The following PARD3B variants were observed in gnomAD, a reference collection of about 807,000 sequenced individuals.
PARD3B encodes the protein partitioning defective 3 homolog B.
Under a neutral mutation model 130.2 loss-of-function variants are expected in PARD3B, and 103 were observed. The ratio of observed to expected loss-of-function variants is 0.79; its 90% CI spans 0.67 to 0.93. PARD3B has a LOEUF of 0.93. PARD3B is among the 40% of genes least tolerant of loss of function. The probability of loss-of-function intolerance (pLI) is 0.00; values close to 1 mark genes in which losing one functional copy is unlikely to be tolerated. For missense variants in PARD3B, 1,609 were observed against 1,499.2 expected (o/e 1.07, Z -1.21); for synonymous variants, 583 against 553.2 (o/e 1.05, Z -0.76).
chr2:204,833,734 G>A (rs763177565), intron 2 of PARD3B, among the ~76,000 whole-genome samples: 1 of 152,154 alleles, frequency 6.6e-6, no homozygotes, highest in Non-Finnish European at 1.5e-5. Context: ...CCCCAGCCAC[G>A]TGGAACTGTG....
At position 205,522,775 on chromosome 2, in the gene PARD3B, CA is replaced by C. The variant is rs369925259; in HGVS notation, c.3180+22750del. ...TACTAACAGCTTTTCAAGAGGAGAA[CA>C]AAAAAGAGGAAACCATCATATTAAA... On this transcript the variant is annotated intron_variant, in intron 21 of 22. Coordinates refer to ENST00000406610, the MANE Select transcript of PARD3B (RefSeq NM_001302769.2). Among the ~76,000 whole-genome samples, 142 of 151,724 alleles carry C rather than the reference CA, an allele frequency of 9.4e-4. 1 individual carries two copies. The highest frequency in any genetic ancestry group is 3.4e-3 in the Middle Eastern group (1 of 292).
At chr2:204,602,924 A>G (rs1000948071) in intron 1 of PARD3B, among the ~76,000 whole-genome samples, 2 of 152,146 alleles carry the variant, frequency 1.3e-5, no homozygotes, top group Non-Finnish European at 2.9e-5. Context: ...GACCAACACA[A>G]TTGTTTCCTT....
intron 20 of PARD3B, among the ~76,000 whole-genome samples, chr2:205,456,964 ATATT>A (rs2048298763): frequency 6.6e-6 from 1 of 151,168 alleles, no homozygotes; most frequent in South Asian, 2.1e-4. Flanking sequence ...ATAATTATAT[ATATT>A]TAATTCATTT....
chr2:205,215,215 A>G (rs762733137), intron 15 of PARD3B, among the ~76,000 whole-genome samples: 1 of 152,050 alleles, frequency 6.6e-6, no homozygotes, highest in Non-Finnish European at 1.5e-5. Context: ...GAAGATATTT[A>G]CTATGGATAA....
intron 2 of PARD3B, among the ~76,000 whole-genome samples, chr2:204,797,324 G>A (rs1009857328): frequency 1.1e-4 from 17 of 151,998 alleles, no homozygotes; most frequent in African/African-American, 3.9e-4. Flanking sequence ...GGGACTCGAG[G>A]TATAACATTT....
At chr2:204,734,147 C>T (rs1269053313) in intron 2 of PARD3B, among the ~76,000 whole-genome samples, 1 of 152,016 alleles carries the variant, frequency 6.6e-6, no homozygotes, top group African/African-American at 2.4e-5. Context: ...AAGATAGACA[C>T]ATAAATATAT....
chr2:204,971,504 C>G (rs1157974152), intron 3 of PARD3B, among the ~76,000 whole-genome samples: 3 of 152,198 alleles, frequency 2.0e-5, no homozygotes, highest in Non-Finnish European at 4.4e-5. Context: ...TCATAAGTTA[C>G]AATTTGGTCA....
chr2:205,262,094 A>C (rs2040336675), intron 16 of PARD3B, among the ~76,000 whole-genome samples: 1 of 152,094 alleles, frequency 6.6e-6, no homozygotes, highest in Non-Finnish European at 1.5e-5. Flanking sequence ...TGATACTTTC[A>C]TGGAATTTTT....
In PARD3B at chr2:205,301,873, G is replaced by A. The variant is rs751097461; in HGVS notation, c.2630+172G>A. The stretch of plus-strand genomic sequence containing the variant: ...TCTGCAGAGGCAGAGGAGCTTTTTG[G>A]GGAAAGTTACAGTGATGACAGGACA... On this transcript the variant is annotated intron_variant, in intron 18 of 22. Coordinates refer to ENST00000406610, the MANE Select transcript of PARD3B (RefSeq NM_001302769.2). This position sits in a 1 kb window ranked among gnomAD's most constrained non-coding sequence, Gnocchi z 5.2. 97 of 1,066,696 alleles carry A rather than the reference G, an allele frequency of 9.1e-5. No individual in the cohort carries two copies. The highest frequency in any genetic ancestry group is 1.4e-4 in the Admixed American group (8 of 55,882). 66.1% of individuals were successfully genotyped at this position (1,066,696 alleles called of 1,614,324 possible). A position where few individuals can be genotyped will look rare whatever the true frequency, so the allele number is the denominator to read the frequency against.
intron 2 of PARD3B, among the ~76,000 whole-genome samples, chr2:204,731,921 C>T (rs1461678497): frequency 2.6e-5 from 4 of 151,938 alleles, no homozygotes; most frequent in African/African-American, 9.7e-5. Context: ...CTCTAACACC[C>T]GTTTTAGCTC....
intron 18 of PARD3B, among the ~76,000 whole-genome samples, chr2:205,345,509 G>T (rs1292820785): frequency 6.6e-6 from 1 of 152,012 alleles, no homozygotes; most frequent in African/African-American, 2.4e-5. Flanking sequence ...TGCTTCTGCT[G>T]TTTACTCAAG....
chr2:204,949,336 GA>G (rs1689583112), intron 2 of PARD3B, among the ~76,000 whole-genome samples: 2 of 148,214 alleles, frequency 1.3e-5, no homozygotes, highest in South Asian at 4.3e-4. Flanking sequence ...TCTTTTTTTT[GA>G]GACAGGGTCT....
chr2:205,419,837 G>A (rs1373229562), intron 19 of PARD3B, among the ~76,000 whole-genome samples: 1 of 152,134 alleles, frequency 6.6e-6, no homozygotes, highest in Non-Finnish European at 1.5e-5. Flanking sequence ...ACTTCATTGT[G>A]ATTCCTCCAT....
At chr2:205,547,291 C>G (rs1207171265) in intron 21 of PARD3B, among the ~76,000 whole-genome samples, 1 of 152,150 alleles carries the variant, frequency 6.6e-6, no homozygotes, top group African/African-American at 2.4e-5. Flanking sequence ...CTGGCTTTCT[C>G]TCCCCATCAA....
chr2:204,588,050 C>T (rs1172644476), intron 1 of PARD3B, among the ~76,000 whole-genome samples: 3 of 152,086 alleles, frequency 2.0e-5, no homozygotes, highest in African/African-American at 4.8e-5. Flanking sequence ...ATACATCCCC[C>T]TTTTGTAATA....
At chr2:204,757,815 T>A (rs973494621) in intron 2 of PARD3B, among the ~76,000 whole-genome samples, 13 of 152,146 alleles carry the variant, frequency 8.5e-5, no homozygotes. Flanking sequence ...ATACTACTCT[T>A]GGCAGAAGAA....
In PARD3B at chr2:205,405,458, A is replaced by T. The variant is rs888247218; in HGVS notation, c.2741+4335A>T. Among the ~76,000 whole-genome samples, 1 of 152,206 alleles carries T rather than the reference A, an allele frequency of 6.6e-6. No homozygotes were observed. The highest frequency in any genetic ancestry group is 1.5e-5 in the Non-Finnish European group (1 of 68,040). On this transcript the variant is annotated intron_variant, in intron 19 of 22. Transcript: ENST00000406610. The surrounding 1 kb of genome is among the most constrained non-coding windows in gnomAD (Gnocchi z 4.1). ...CAAAGAGCAAGGTACTCTCCTAGAC[A>T]TCAGAATTGCATTGTGTCATATTTC...
chr2:205,487,591 T>C (rs2049495487), intron 20 of PARD3B, among the ~76,000 whole-genome samples: 1 of 152,200 alleles, frequency 6.6e-6, no homozygotes, highest in African/African-American at 2.4e-5. Flanking sequence ...TACCCAGCTG[T>C]TGGGAATCAG....
At position 204,890,097 on chromosome 2, in the gene PARD3B, T is replaced by C. The variant is rs2046394035; in HGVS notation, c.223-75055T>C. ...GGTTTTATTGCAACTGGATGCAGAATTTACCATGTCTGCTTTGCCTTCTCC... is the reference window on the plus strand; with the variant it reads ...GGTTTTATTGCAACTGGATGCAGAACTTACCATGTCTGCTTTGCCTTCTCC... On this transcript the variant is annotated intron_variant, in intron 2 of 22. Coordinates refer to ENST00000406610, the MANE Select transcript of PARD3B (RefSeq NM_001302769.2). The surrounding 1 kb of genome is among the most constrained non-coding windows in gnomAD (Gnocchi z 4.9). 6.6e-6 allele frequency among the ~76,000 whole-genome samples: 1 copy of C among 152,192 alleles called. No individual in the cohort carries two copies. The highest frequency in any genetic ancestry group is 2.1e-4 in the South Asian group (1 of 4,836).
Sources: allele counts gnomAD v4.1 joint callset (sites outside exome capture counted in the v4.1 genomes callset), GRCh38; gene constraint gnomAD v4.1.1; non-coding constraint Gnocchi (gnomAD v3.1); transcripts MANE v1.5; gene names NCBI Gene and HGNC (gene_info 2026-07-23, HGNC 2026-07-21).